FRYL: variants seen among roughly 807,000 people sequenced by gnomAD.
The protein encoded by FRYL is protein furry homolog-like.
Under a neutral mutation model 351.2 loss-of-function variants are expected in FRYL, and 150 were observed. That is an observed-to-expected ratio of 0.43 (90% CI 0.37 to 0.49). The LOEUF (loss-of-function observed/expected upper bound fraction) is 0.49. FRYL is among the 20% of genes least tolerant of loss of function. The pLI, the probability that FRYL is intolerant of heterozygous loss-of-function variation, is 0.00. For missense variants in FRYL, 3,036 were observed against 3,619.3 expected, an observed-to-expected ratio of 0.84 and a Z score of 4.13; for synonymous variants, 1,153 against 1,257.1, an observed-to-expected ratio of 0.92 and a Z score of 1.75.
intron 55 of FRYL, among the ~76,000 whole-genome samples, chr4:48,517,828 T>A (rs1408601269): frequency 1.3e-5 from 2 of 152,148 alleles, no homozygotes; most frequent in Non-Finnish European, 2.9e-5. Flanking sequence ...TTTTTAGGAG[T>A]GGATTTATTC....
At chr4:48,619,696 C>T (rs1750264233) in intron 6 of FRYL, among the ~76,000 whole-genome samples, 1 of 151,948 alleles carries the variant, frequency 6.6e-6, no homozygotes, top group African/African-American at 2.4e-5. Flanking sequence ...GAGAAGGGAT[C>T]TCCCTATATT....
intron 3 of FRYL, among the ~76,000 whole-genome samples, chr4:48,668,126 G>A (rs185528481): frequency 4.3e-4 from 65 of 152,088 alleles, no homozygotes; most frequent in Non-Finnish European, 9.1e-4. Flanking sequence ...ACATTCACTC[G>A]CATATCATCT....
chr4:48,716,271 A>T (rs1048190911), intron 1 of FRYL, among the ~76,000 whole-genome samples: 2 of 151,474 alleles, frequency 1.3e-5, no homozygotes, highest in African/African-American at 4.8e-5. Context: ...CAAAATTGAC[A>T]AATGGGATCT....
At chr4:48,627,782 T>C (rs1752118833) in intron 4 of FRYL, among the ~76,000 whole-genome samples, 2 of 152,174 alleles carry the variant, frequency 1.3e-5, no homozygotes. Context: ...TGTTTCAATA[T>C]GTAAGTTTTT....
At chr4:48,779,726 G>A (rs943067897) in intron 1 of FRYL, among the ~76,000 whole-genome samples, 107 of 151,960 alleles carry the variant, frequency 7.0e-4, no homozygotes, top group African/African-American at 2.5e-3. Flanking sequence ...GCGCGCGAGG[G>A]GTACCCGGGC....
intron 1 of FRYL, among the ~76,000 whole-genome samples, chr4:48,774,274 A>C (rs1405956583): frequency 6.6e-6 from 1 of 152,186 alleles, no homozygotes; most frequent in African/African-American, 2.4e-5. Context: ...TATATTTCAA[A>C]AAAGCTGTCA....
chr4:48,674,939 T>C (rs1436321303), intron 3 of FRYL, among the ~76,000 whole-genome samples: 1 of 152,194 alleles, frequency 6.6e-6, no homozygotes, highest in Non-Finnish European at 1.5e-5. Context: ...CCTTTTGATA[T>C]AGTGCCAAGG....
chr4:48,615,359 A>T (rs527381602), intron 7 of FRYL, among the ~76,000 whole-genome samples: 1 of 152,338 alleles, frequency 6.6e-6, no homozygotes, highest in Admixed American at 6.5e-5. Context: ...CCGTATACAT[A>T]AAAGATATCA....
chr4:48,653,902 C>T, intron 3 of FRYL: 1 of 1,254,998 alleles, frequency 8.0e-7, no homozygotes, highest in African/African-American at 1.6e-5. Context: ...TCTCTTCTCA[C>T]AGGCAGCAGA....
intron 2 of FRYL, among the ~76,000 whole-genome samples, chr4:48,689,895 C>CTTTTTT (rs869300628): frequency 7.4e-6 from 1 of 135,682 alleles, no homozygotes; most frequent in Non-Finnish European, 1.6e-5. Context: ...TTCTTTTTTT[C>CTTTTTT]TTTTTTTTTT....
chr4:48,626,388 A>C (rs1370839448), intron 4 of FRYL, among the ~76,000 whole-genome samples: 4 of 152,148 alleles, frequency 2.6e-5, no homozygotes, highest in Non-Finnish European at 4.4e-5. Flanking sequence ...TTTTCATTTT[A>C]GTTTTTTGTT....
chr4:48,510,015 G>T, intron 59 of FRYL, 44 bp downstream of exon 59: 1 of 1,309,518 alleles, frequency 7.6e-7, no homozygotes, highest in Non-Finnish European at 1.1e-6. Context: ...CCCTTCCAGT[G>T]TCAAGAGCAA....
chr4:48,626,250 ATGTGTG>A (rs574626256), intron 4 of FRYL, among the ~76,000 whole-genome samples: 1 of 151,198 alleles, frequency 6.6e-6, no homozygotes. Flanking sequence ...CTCTCTCTCT[ATGTGTG>A]TGTGTGTGTA....
chr4:48,684,212 T>C (rs138835652), intron 3 of FRYL, among the ~76,000 whole-genome samples: 36 of 152,292 alleles, frequency 2.4e-4, no homozygotes, highest in African/African-American at 7.5e-4. Context: ...TATGAAGGCA[T>C]TGAAGATATG....
chr4:48,654,871 A>G (rs2149444909), intron 3 of FRYL, among the ~76,000 whole-genome samples: 1 of 152,360 alleles, frequency 6.6e-6, no homozygotes, highest in East Asian at 1.9e-4. Context: ...ATATGTCATT[A>G]TCAGAAGAAA....
chr4:48,517,966 A>G (rs1724011544), intron 55 of FRYL, among the ~76,000 whole-genome samples: 1 of 152,198 alleles, frequency 6.6e-6, no homozygotes, highest in Non-Finnish European at 1.5e-5. Flanking sequence ...TTGGTACAAG[A>G]GGCAATTTTG....
intron 45 of FRYL, among the ~76,000 whole-genome samples, chr4:48,541,492 T>G (rs1276855131): frequency 6.6e-6 from 1 of 152,244 alleles, no homozygotes; most frequent in Non-Finnish European, 1.5e-5. Context: ...GATAGATATG[T>G]AAATGGATAA....
intron 1 of FRYL, among the ~76,000 whole-genome samples, chr4:48,712,165 C>T (rs1039547626): frequency 1.4e-4 from 22 of 152,302 alleles, no homozygotes; most frequent in Middle Eastern, 3.4e-3. Flanking sequence ...GGGCACCTCT[C>T]CTCCTCCAAC....
rs1218611279 is a variant in FRYL at position 48,567,096 on chromosome 4, A to G, written c.3169+152T>C. ...TAATCAGTGACAATAATTCAAAGGG[A>G]AAACAAACTCCAGCCATCCAGGTTA... On this transcript the variant is annotated intron_variant, in intron 28 of 63. Coordinates refer to ENST00000358350, the MANE Select transcript of FRYL (RefSeq NM_015030.2). The surrounding 1 kb of genome is among the most constrained non-coding windows in gnomAD (Gnocchi z 4.2). The G allele has an allele frequency of 8.4e-6, 5 of 596,926 alleles. No individual in the cohort carries two copies. In the Admixed American group the frequency reaches 1.6e-4, roughly 20 times the overall value. 37.0% of individuals were successfully genotyped at this position (596,926 alleles called of 1,614,324 possible).
Sources: allele counts gnomAD v4.1 joint callset (sites outside exome capture counted in the v4.1 genomes callset), GRCh38; gene constraint gnomAD v4.1.1; non-coding constraint Gnocchi (gnomAD v3.1); transcripts MANE v1.5; gene names NCBI Gene and HGNC (gene_info 2026-07-23, HGNC 2026-07-21).